CSMD1: variants seen among roughly 807,000 people sequenced by gnomAD.
CSMD1 encodes the protein CUB and Sushi multiple domains 1.
In CSMD1, 213 loss-of-function variants were observed where a neutral mutation model predicts 417.5. The observed-to-expected ratio is 0.51, with a 90% CI of 0.46 to 0.57. CSMD1 has a LOEUF of 0.57. CSMD1 is among the 20% of genes least tolerant of loss of function. The probability of loss-of-function intolerance (pLI) is 0.00; values close to 1 mark genes in which losing one functional copy is unlikely to be tolerated. For missense variants in CSMD1, 6,923 were observed against 4,529.7 expected (o/e 1.53, Z -15.17); for synonymous variants, 2,862 against 1,736.8 (o/e 1.65, Z -16.11).
rs569783102 is a variant in CSMD1 at position 3,661,579 on chromosome 8, C to G, written c.1010-44782G>C. 7.9e-5 allele frequency among the ~76,000 whole-genome samples: 12 copies of G among 152,262 alleles called. No individual in the cohort carries two copies. The East Asian group carries it at 2.3e-3, about 29-fold the overall frequency. ...TGGCACAATCTCGGCTCACGGAAAC[C>G]TCCACCTCCCGGGTTCAAGTGATTC... On this transcript the variant is annotated intron_variant, in intron 7 of 69. Transcript: ENST00000635120.
rs73661533 is a variant in CSMD1 at position 4,558,356 on chromosome 8, A to G, written c.302+78986T>C. 3.1e-3 allele frequency among the ~76,000 whole-genome samples: 476 copies of G among 152,314 alleles called. 2 individuals carry two copies. The highest frequency in any genetic ancestry group is 0.011 in the African/African-American group (454 of 41,564). Reference sequence around the variant, plus strand: ...ATGATTTAAAACTCTCCGTAGTATTATATTATGAAGCACCATCACTAAAAC... The same window carrying G: ...ATGATTTAAAACTCTCCGTAGTATTGTATTATGAAGCACCATCACTAAAAC... On this transcript the variant is annotated intron_variant, in intron 2 of 69. Coordinates refer to ENST00000635120, the MANE Select transcript of CSMD1 (RefSeq NM_033225.6).
At chr8:3,407,593 TGATGGATGGATGAATG>T (rs1376577630) in intron 14 of CSMD1, among the ~76,000 whole-genome samples, 16 of 149,902 alleles carry the variant, frequency 1.1e-4, no homozygotes, top group African/African-American at 3.9e-4. Flanking sequence ...ATGGATAGAA[TGATGGATGGATGAATG>T]GATGGATGGA....
At chr8:4,936,304 G>C (rs963386603) in intron 1 of CSMD1, among the ~76,000 whole-genome samples, 3 of 152,156 alleles carry the variant, frequency 2.0e-5, no homozygotes, top group Admixed American at 1.3e-4. Context: ...GTGTGCATGG[G>C]ATTGTGAATA....
At chr8:4,195,481 T>C (rs1799279348) in intron 3 of CSMD1, among the ~76,000 whole-genome samples, 1 of 152,104 alleles carries the variant, frequency 6.6e-6, no homozygotes, top group Admixed American at 6.5e-5. Flanking sequence ...TCCTCGTGAG[T>C]CTCACCCTCT....
At chr8:4,841,930 A>AAAACAAAAC (rs1800864566) in intron 1 of CSMD1, among the ~76,000 whole-genome samples, 14 of 122,484 alleles carry the variant, frequency 1.1e-4, no homozygotes, top group East Asian at 2.8e-4. Context: ...AAAAAAAAAA[A>AAAACAAAAC]AAAAAAAAGT....
chr8:3,334,463 T>G (rs1807114393), intron 23 of CSMD1, among the ~76,000 whole-genome samples: 1 of 152,240 alleles, frequency 6.6e-6, no homozygotes. Context: ...GTCATTTTTA[T>G]TTTCAAAGCC....
intron 1 of CSMD1, among the ~76,000 whole-genome samples, chr8:4,816,785 C>A (rs1406919935): frequency 1.3e-5 from 2 of 152,030 alleles, no homozygotes; most frequent in Non-Finnish European, 2.9e-5. Flanking sequence ...GATGAAGGAA[C>A]AGGAAAAGAT....
chr8:3,738,939 CG>C lies in CSMD1; in HGVS notation c.931+14990del, dbSNP rs1796660879. 2.0e-5 allele frequency among the ~76,000 whole-genome samples: 3 copies of C among 152,240 alleles called. No homozygotes were observed. In the South Asian group the frequency reaches 6.2e-4, roughly 32 times the overall value. The stretch of plus-strand genomic sequence containing the variant: ...GTCTTCCCTCTGTCCTTGCTGAATG[CG>C]CATATTTGTATGCACAAAAAGGTGT... On this transcript the variant is annotated intron_variant, in intron 6 of 69. Transcript: ENST00000635120.
intron 3 of CSMD1, among the ~76,000 whole-genome samples, chr8:4,341,200 T>G (rs908101311): frequency 6.6e-6 from 1 of 152,086 alleles, no homozygotes; most frequent in Admixed American, 6.6e-5. Flanking sequence ...AAATCTGCAA[T>G]GAAGGCAAGT....
Position 4,926,308 on chromosome 8 carries a change from G to A in CSMD1, c.85+68024C>T, listed in dbSNP as rs369893386. 3.9e-5 allele frequency among the ~76,000 whole-genome samples: 6 copies of A among 152,184 alleles called. 1 individual carries two copies. Among genetic ancestry groups the A allele is most frequent in the East Asian group, 1.9e-4 (1 of 5,170 alleles). On this transcript the variant is annotated intron_variant, in intron 1 of 69. Coordinates refer to ENST00000635120, the MANE Select transcript of CSMD1 (RefSeq NM_033225.6). ...TTTTTTTTGGTTCTAACGAAAGGAA[G>A]AAATAAAACACCTATAATTTTGTGT... is the stretch of plus-strand genomic sequence containing the variant.
chr8:4,930,882 G>T (rs1324173146), intron 1 of CSMD1, among the ~76,000 whole-genome samples: 1 of 152,186 alleles, frequency 6.6e-6, no homozygotes, highest in Non-Finnish European at 1.5e-5. Context: ...CAGAATTACT[G>T]TATGTCTAGT....
chr8:3,718,021 C>G (rs1333852731), intron 6 of CSMD1, among the ~76,000 whole-genome samples: 1 of 152,164 alleles, frequency 6.6e-6, no homozygotes, highest in African/African-American at 2.4e-5. Context: ...ACTAAAGCCT[C>G]TCTGCCCACA....
chr8:4,554,800 C>T (rs1265147455), intron 2 of CSMD1, among the ~76,000 whole-genome samples: 7 of 152,152 alleles, frequency 4.6e-5, no homozygotes, highest in African/African-American at 1.7e-4. Flanking sequence ...AGCGTCCGTC[C>T]CTGTTGAGGC....
In CSMD1 at chr8:2,957,739, G is replaced by A. The variant is rs770645936; in HGVS notation, c.9771C>T (p.Cys3257=). Residue 3257 remains cysteine (C), a synonymous_variant, in exon 63 of 70, where the codon TGC becomes TGT. Coordinates refer to ENST00000635120, the MANE Select transcript of CSMD1 (RefSeq NM_033225.6). ...YHIQGSTTRT[C]LANLTWSGIQ... is the part of the protein sequence containing the mutation. ...TCCCACTCCATGTTAAATTGGCAAG[G>A]CAGGTGCGAGTCGTGGAACCTTGAA... is the stretch of plus-strand genomic sequence containing the variant. 2 of 1,599,822 alleles carry A rather than the reference G, an allele frequency of 1.3e-6. No individual in the cohort carries two copies. Among genetic ancestry groups the A allele is most frequent in the African/African-American group, 2.7e-5 (2 of 74,774 alleles).
At chr8:3,045,809 C>G (rs75994657) in intron 50 of CSMD1, among the ~76,000 whole-genome samples, 1 of 152,158 alleles carries the variant, frequency 6.6e-6, no homozygotes, top group Non-Finnish European at 1.5e-5. Flanking sequence ...TTACTCAACT[C>G]ATGCCTTCTT....
chr8:4,061,433 AC>A (rs1256589888), intron 3 of CSMD1, among the ~76,000 whole-genome samples: 13 of 152,360 alleles, frequency 8.5e-5, no homozygotes, highest in African/African-American at 3.1e-4. Context: ...AACCTGTGAA[AC>A]TTTTATAGCT....
intron 7 of CSMD1, among the ~76,000 whole-genome samples, chr8:3,687,116 T>G (rs943260235): frequency 6.6e-6 from 1 of 152,242 alleles, no homozygotes; most frequent in East Asian, 1.9e-4. Context: ...GATCCTATAC[T>G]AATTTAAAAC....
At chr8:4,243,725 C>A (rs946508529) in intron 3 of CSMD1, among the ~76,000 whole-genome samples, 9 of 152,050 alleles carry the variant, frequency 5.9e-5, no homozygotes, top group Non-Finnish European at 1.3e-4. Flanking sequence ...TAATCTGAGT[C>A]CACAAAAAAG....
At chr8:3,834,421 G>A (rs1212590161) in intron 5 of CSMD1, among the ~76,000 whole-genome samples, 1 of 149,034 alleles carries the variant, frequency 6.7e-6, no homozygotes, top group East Asian at 1.9e-4. Flanking sequence ...AATACCCCCT[G>A]GAAGTGGGGC....
Sources: allele counts gnomAD v4.1 joint callset (sites outside exome capture counted in the v4.1 genomes callset), GRCh38; gene constraint gnomAD v4.1.1; transcripts MANE v1.5; gene names NCBI Gene and HGNC (gene_info 2026-07-23, HGNC 2026-07-21).